Variants in CFAP69 observed in about 807,000 individuals in gnomAD.
CFAP69 encodes cilia and flagella associated protein 69, also known as cilia- and flagella-associated protein 69.
In CFAP69, 92 loss-of-function variants were observed where a neutral mutation model predicts 123.0. The observed-to-expected ratio is 0.75, with a 90% CI of 0.63 to 0.89. CFAP69 has a LOEUF of 0.89. Ranked by LOEUF, CFAP69 falls within the 40% of genes least tolerant of loss-of-function variation. The pLI is 0.00. For synonymous variants in CFAP69, 380 were observed against 364.3 expected (o/e 1.04, Z -0.49); for missense variants, 1,067 against 1,096.9 (o/e 0.97, Z 0.39).
intron 5 of CFAP69, chr7:90,266,120 G>T (rs1261622224): frequency 6.6e-6 from 1 of 152,056 alleles, no homozygotes; most frequent in Non-Finnish European, 1.5e-5. Context: ...ACGGAATAAT[G>T]ATGTTCCCAG....
chr7:90,269,711 G>T (rs1799680020), intron 6 of CFAP69, among the ~76,000 whole-genome samples: 1 of 152,150 alleles, frequency 6.6e-6, no homozygotes, highest in Admixed American at 6.6e-5. Context: ...GAGAGTGAGA[G>T]AGTAGTGGCA....
intron 16 of CFAP69, among the ~76,000 whole-genome samples, chr7:90,299,124 C>T (rs905527456): frequency 6.6e-6 from 1 of 151,980 alleles, no homozygotes; most frequent in Non-Finnish European, 1.5e-5. Context: ...TGATGATGTT[C>T]GCAATTAAAA....
At chr7:90,252,619 C>A (rs1260636514) in intron 1 of CFAP69, among the ~76,000 whole-genome samples, 1 of 152,118 alleles carries the variant, frequency 6.6e-6, no homozygotes, top group Non-Finnish European at 1.5e-5. Context: ...AAGCAGTGAG[C>A]CGTGATTGCA....
chr7:90,320,275 T>A, the CFAP69 span: 1 of 152,268 alleles, frequency 6.6e-6, no homozygotes, highest in Admixed American at 6.5e-5. Context: ...AGTCTCAAAG[T>A]TACTGCTATT....
intron 17 of CFAP69, chr7:90,303,635 G>A (rs946365581): frequency 1.0e-5 from 10 of 976,804 alleles, no homozygotes; most frequent in Non-Finnish European, 1.2e-5. Context: ...AGTAAACAAG[G>A]TTACATCACT....
At chr7:90,247,762 T>C (rs1796510707) in intron 1 of CFAP69, among the ~76,000 whole-genome samples, 2 of 152,102 alleles carry the variant, frequency 1.3e-5, no homozygotes, top group African/African-American at 4.8e-5. Flanking sequence ...GGAGAATCAC[T>C]TGAACATGGG....
intron 4 of CFAP69, among the ~76,000 whole-genome samples, chr7:90,262,419 T>C (rs1224155554): frequency 3.3e-5 from 5 of 152,150 alleles, no homozygotes; most frequent in African/African-American, 1.2e-4. Flanking sequence ...CTTTAGAAAA[T>C]TTGAGTCTCA....
In CFAP69 at chr7:90,288,100, T is replaced by TA. The variant is rs1286541502; in HGVS notation, c.1657-129dup. The TA allele has an allele frequency of 1.1e-5, 7 of 617,744 alleles. No individual in the cohort carries two copies. In the East Asian group the frequency reaches 1.7e-4, roughly 15 times the overall value. The allele number at this position is 617,744 out of a possible 1,614,324, so 38.3% of individuals were successfully genotyped here. ...GTAAGTACGGTTTTTTAAATTGCAG[T>TA]AAAAATAGTATTTTTCTAACAATGT... On this transcript the variant is annotated intron_variant, in intron 14 of 22. Coordinates refer to ENST00000389297, the MANE Select transcript of CFAP69 (RefSeq NM_001039706.3).
At chr7:90,318,360 G>A in the CFAP69 span, 12 of 151,746 alleles carry the variant, frequency 7.9e-5, no homozygotes, top group Non-Finnish European at 1.6e-4. Flanking sequence ...TTTGTTTATT[G>A]TTCCTTTTTC....
chr7:90,317,770 T>A, the CFAP69 span: 2 of 152,126 alleles, frequency 1.3e-5, no homozygotes, highest in African/African-American at 4.8e-5. Flanking sequence ...AGTCAAACCA[T>A]CAGGCAGTTC....
intron 13 of CFAP69, among the ~76,000 whole-genome samples, chr7:90,284,518 T>G (rs145924762): frequency 1.7e-3 from 254 of 152,228 alleles, no homozygotes; most frequent in Non-Finnish European, 2.7e-3. Context: ...TTTTCCTTAA[T>G]GAGAAAATAG....
rs1352964363 is a variant in CFAP69, at chr7:90,271,768, A to C, written c.683-13A>C. The stretch of plus-strand genomic sequence containing the variant: ...ATTGTAAAGCACAAATAATTTTTAA[A>C]ATTTATTTTCAGAAGTTAATTGTAC... On this transcript the variant is annotated splice_polypyrimidine_tract_variant and intron_variant, in intron 7 of 22. Coordinates refer to ENST00000389297, the MANE Select transcript of CFAP69 (RefSeq NM_001039706.3). 1 of 1,576,752 alleles carries C rather than the reference A, an allele frequency of 6.3e-7. No homozygotes were observed. The highest frequency in any genetic ancestry group is 1.9e-5 in the Admixed American group (1 of 53,028).
chr7:90,323,364 A>T, the CFAP69 span, among the ~76,000 whole-genome samples: 1 of 152,170 alleles, frequency 6.6e-6, no homozygotes, highest in Non-Finnish European at 1.5e-5. Context: ...CAGAATATGG[A>T]AAAGAAGAAA....
intron 13 of CFAP69, among the ~76,000 whole-genome samples, chr7:90,284,003 C>T (rs1012181660): frequency 6.6e-6 from 1 of 152,068 alleles, no homozygotes; most frequent in East Asian, 1.9e-4. Flanking sequence ...CCTGAAAGTA[C>T]AGTTTATCAT....
At chr7:90,294,408 TAA>T (rs1791628787) in intron 15 of CFAP69, among the ~76,000 whole-genome samples, 1 of 152,228 alleles carries the variant, frequency 6.6e-6, no homozygotes, top group Non-Finnish European at 1.5e-5. Flanking sequence ...ATATTTGATT[TAA>T]GTTCTTCTTA....
intron 9 of CFAP69, among the ~76,000 whole-genome samples, chr7:90,275,789 A>C (rs1178382731): frequency 2.6e-5 from 4 of 151,658 alleles, no homozygotes; most frequent in Non-Finnish European, 5.9e-5. Context: ...TTTTTAGTAG[A>C]GACAGGGTTT....
Position 90,245,312 on chromosome 7 carries a change from C to G in CFAP69, c.-113C>G. The stretch of plus-strand genomic sequence containing the variant: ...ATTTTGGGACCTTTCGCGACTCTAG[C>G]GACTCTCAGGCTGCCTTCCCTTCTC... On this transcript the variant is annotated 5_prime_UTR_variant, in exon 1 of 23. Coordinates refer to ENST00000389297, the MANE Select transcript of CFAP69 (RefSeq NM_001039706.3). 1 of 1,372,040 alleles carries G rather than the reference C, an allele frequency of 7.3e-7. No individual in the cohort carries two copies. The highest frequency in any genetic ancestry group is 9.5e-7 in the Non-Finnish European group (1 of 1,054,900). The allele number at this position is 1,372,040 out of a possible 1,614,324, so 85.0% of individuals were successfully genotyped here.
chr7:90,275,736 G>T (rs938761486), intron 9 of CFAP69, among the ~76,000 whole-genome samples: 4 of 151,002 alleles, frequency 2.6e-5, no homozygotes, highest in African/African-American at 7.3e-5. Context: ...TGAGTAGCTG[G>T]GACTACAGGC....
Position 90,271,855 on chromosome 7 carries a change from T to C in CFAP69, c.757T>C (p.Ser253Pro), listed in dbSNP as rs1409562043. Residue 253 changes from serine to proline, a missense_variant, in exon 8 of 23, where the codon TCT becomes CCT. Transcript: ENST00000389297. ...TACTCACCTCAATGACCCAGATCCC[T>C]CTGGACAGCTTTTATTTCGTTCATC... is the stretch of plus-strand genomic sequence containing the variant. ...ICTHLNDPDP[S>P]GQLLFRSSEI... is the part of the protein sequence containing the mutation. The C allele has an allele frequency of 1.2e-6, 2 of 1,607,012 alleles. No homozygotes were observed. Among genetic ancestry groups the C allele is most frequent in the Admixed American group, 1.7e-5 (1 of 59,304 alleles).
Sources: gnomAD v4.1 joint callset for allele counts (sites outside exome capture counted in the v4.1 genomes callset) on GRCh38, gnomAD v4.1.1 for gene constraint, MANE v1.5 for transcripts, NCBI Gene and HGNC (gene_info 2026-07-23, HGNC 2026-07-21) for gene names.